Variants in CEP128 observed in about 807,000 individuals in gnomAD.
The protein encoded by CEP128 is centrosomal protein 128.
A neutral mutation model predicts 156.7 loss-of-function variants in CEP128; 132 were observed. The observed-to-expected ratio is 0.84, with a 90% CI of 0.73 to 0.97. CEP128 has a LOEUF of 0.97. CEP128 is among the 50% of genes least tolerant of loss of function. CEP128 has a pLI of 0.00. For missense variants in CEP128, 1,252 were observed against 1,281.9 expected (o/e 0.98, Z 0.36); for synonymous variants, 469 against 448.9 (o/e 1.04, Z -0.57).
chr14:80,782,323 C>T (rs895901430), intron 15 of CEP128, among the ~76,000 whole-genome samples: 3 of 152,218 alleles, frequency 2.0e-5, no homozygotes, highest in Non-Finnish European at 4.4e-5. Flanking sequence ...ACACCTTAGA[C>T]CTCAACTCTG....
intron 19 of CEP128, among the ~76,000 whole-genome samples, chr14:80,668,518 T>C (rs1440019717): frequency 6.6e-6 from 1 of 152,064 alleles, no homozygotes; most frequent in African/African-American, 2.4e-5. Context: ...AAAAGAGAGA[T>C]TGTTAAAAAT....
chr14:80,903,102 T>A (rs1438411990), intron 6 of CEP128, among the ~76,000 whole-genome samples: 4 of 151,968 alleles, frequency 2.6e-5, no homozygotes, highest in Non-Finnish European at 5.9e-5. Context: ...ACTCCCTAAT[T>A]TCAAAACATT....
Position 80,646,852 on chromosome 14 carries a change from T to C in CEP128, c.2807-66429A>G, listed in dbSNP as rs1056162375. ...TCTTATTCTCTACTATGGCCAATTATGTTAATTTTACTTGATTATTATCAT... is the reference window on the plus strand; with the variant it reads ...TCTTATTCTCTACTATGGCCAATTACGTTAATTTTACTTGATTATTATCAT... On this transcript the variant is annotated intron_variant, in intron 19 of 24. Transcript: ENST00000555265. Among the ~76,000 whole-genome samples the C allele has an allele frequency of 2.6e-5, 4 of 151,468 alleles. No individual in the cohort carries two copies. In the East Asian group the frequency reaches 7.7e-4, roughly 29 times the overall value.
At chr14:80,673,735 T>C (rs1349486372) in intron 19 of CEP128, among the ~76,000 whole-genome samples, 2 of 150,096 alleles carry the variant, frequency 1.3e-5, no homozygotes, top group Non-Finnish European at 3.0e-5. Flanking sequence ...ATAATCCTGG[T>C]CTACCTTTGG....
intron 8 of CEP128, among the ~76,000 whole-genome samples, chr14:80,889,310 T>C (rs978111391): frequency 9.2e-5 from 14 of 152,118 alleles, no homozygotes; most frequent in African/African-American, 3.1e-4. Context: ...AAAAAGAGCC[T>C]GCATAGCCAA....
intron 13 of CEP128, among the ~76,000 whole-genome samples, chr14:80,810,167 C>CA (rs966606859): frequency 1.3e-5 from 2 of 150,770 alleles, no homozygotes; most frequent in African/African-American, 4.9e-5. Flanking sequence ...ACTAAAAATA[C>CA]AAAAAATAAG....
chr14:80,689,968 T>C (rs1896661523), intron 19 of CEP128, among the ~76,000 whole-genome samples: 1 of 152,086 alleles, frequency 6.6e-6, no homozygotes, highest in Non-Finnish European at 1.5e-5. Context: ...AGTAAATAAG[T>C]AGATCTGTGA....
At chr14:80,733,339 C>CGTGTGTGTGT (rs55964142) in intron 19 of CEP128, among the ~76,000 whole-genome samples, 1,437 of 140,220 alleles carry the variant, frequency 0.01, 20 homozygotes, top group Non-Finnish European at 0.011. Context: ...CCACATGGGT[C>CGTGTGTGTGT]GTGTGTGTGT....
At chr14:80,503,076 A>G (rs1476250600) in intron 24 of CEP128, among the ~76,000 whole-genome samples, 2 of 152,178 alleles carry the variant, frequency 1.3e-5, no homozygotes, top group East Asian at 1.9e-4. Flanking sequence ...TAGGTCTGGG[A>G]AGAAAATCAT....
At chr14:80,737,350 G>C (rs2139565257) in intron 19 of CEP128, among the ~76,000 whole-genome samples, 1 of 152,096 alleles carries the variant, frequency 6.6e-6, no homozygotes, top group African/African-American at 2.4e-5. Context: ...GTTACAGTGA[G>C]CCAAGATTGT....
At chr14:80,652,549 T>C (rs1375205409) in intron 19 of CEP128, among the ~76,000 whole-genome samples, 1 of 152,070 alleles carries the variant, frequency 6.6e-6, no homozygotes, top group Non-Finnish European at 1.5e-5. Context: ...CAGACACTTC[T>C]CAAAAGAAGA....
At chr14:80,671,295 T>C (rs1895830664) in intron 19 of CEP128, among the ~76,000 whole-genome samples, 1 of 152,182 alleles carries the variant, frequency 6.6e-6, no homozygotes, top group Non-Finnish European at 1.5e-5. Context: ...TTAAGTCTTT[T>C]TGAAATAAAT....
At chr14:80,806,671 GAAC>G (rs1884193314) in intron 13 of CEP128, among the ~76,000 whole-genome samples, 1 of 152,228 alleles carries the variant, frequency 6.6e-6, no homozygotes, top group Admixed American at 6.5e-5. Context: ...GATTGAGGTA[GAAC>G]AACTTGGTTA....
chr14:80,618,000 T>C (rs1893300058), intron 19 of CEP128, among the ~76,000 whole-genome samples: 1 of 152,230 alleles, frequency 6.6e-6, no homozygotes, highest in Non-Finnish European at 1.5e-5. Context: ...GGATGGACTA[T>C]TTTAAAGGAT....
At chr14:80,496,345 G>T (rs900815120), downstream of CEP128, 1 of 152,506 alleles carries the variant, frequency 6.6e-6, no homozygotes, top group African/African-American at 2.4e-5. Flanking sequence ...CAGGTTCATG[G>T]AAAGAGGCTG....
intron 14 of CEP128, among the ~76,000 whole-genome samples, chr14:80,483,962 C>G (rs1032347643): frequency 6.6e-6 from 1 of 152,014 alleles, no homozygotes; most frequent in Non-Finnish European, 1.5e-5. Context: ...GATAAAACCC[C>G]TAATCTTGAT....
At chr14:80,503,652 G>C (rs1887838326) in intron 24 of CEP128, among the ~76,000 whole-genome samples, 1 of 152,062 alleles carries the variant, frequency 6.6e-6, no homozygotes, top group Admixed American at 6.5e-5. Context: ...CTCCATGCTT[G>C]TTTATATTAG....
rs150558251 is a variant in CEP128, at chr14:80,934,776, C to A, written c.-16+4609G>T. Among the ~76,000 whole-genome samples the A allele has an allele frequency of 7.2e-4, 110 of 152,208 alleles. 1 individual carries two copies. In the East Asian group the frequency reaches 0.012, roughly 16 times the overall value. ...AGCAACCTTCTAAATAAATAGGAGA[C>A]CCCATAACTGGAAACATATATAAAC... is the stretch of plus-strand genomic sequence containing the variant. On this transcript the variant is annotated intron_variant, in intron 2 of 24. Coordinates refer to ENST00000555265, the MANE Select transcript of CEP128 (RefSeq NM_152446.5).
chr14:80,923,458 A>AT (rs1884986478), intron 2 of CEP128, among the ~76,000 whole-genome samples: 1 of 152,220 alleles, frequency 6.6e-6, no homozygotes, highest in Admixed American at 6.5e-5. Flanking sequence ...GAGAGCTGTA[A>AT]TTTATTGATT....
Sources: gnomAD v4.1 joint callset for allele counts (sites outside exome capture counted in the v4.1 genomes callset) on GRCh38, gnomAD v4.1.1 for gene constraint, MANE v1.5 for transcripts, NCBI Gene and HGNC (gene_info 2026-07-23, HGNC 2026-07-21) for gene names.